HMGA2: variants seen among roughly 807,000 people sequenced by gnomAD.
The protein encoded by HMGA2 is high mobility group protein HMGI-C.
In HMGA2, 8 loss-of-function variants were observed where a neutral mutation model predicts 19.1. That is an observed-to-expected ratio of 0.42 (90% CI 0.25 to 0.76). The LOEUF (loss-of-function observed/expected upper bound fraction) is 0.76. HMGA2 is among the 30% of genes least tolerant of loss of function. HMGA2 has a pLI of 0.28. For missense variants in HMGA2, 109 were observed against 136.3 expected (o/e 0.80, Z 1.00); for synonymous variants, 60 against 48.8 (o/e 1.23, Z -0.96).
intron 4 of HMGA2, chr12:65,952,013 GA>G (rs1205896516): frequency 5.4e-6 from 1 of 184,074 alleles, no homozygotes; most frequent in African/African-American, 2.4e-5. Flanking sequence ...CATATTCCTG[GA>G]GCACCTTGTC....
intron 3 of HMGA2, chr12:65,881,778 G>C (rs1565719877): frequency 2.8e-6 from 2 of 702,978 alleles, no homozygotes. Flanking sequence ...GGTGAAGGAA[G>C]CCTGCTGATC....
chr12:65,837,163 A>G (rs537681692), intron 2 of HMGA2, among the ~76,000 whole-genome samples: 110 of 152,332 alleles, frequency 7.2e-4, no homozygotes, highest in Non-Finnish European at 1.5e-3. Context: ...AGTGCCTGGG[A>G]TATTTTAAAT....
intron 3 of HMGA2, among the ~76,000 whole-genome samples, chr12:65,921,065 C>G (rs1160142505): frequency 6.6e-6 from 1 of 152,160 alleles, no homozygotes; most frequent in Non-Finnish European, 1.5e-5. Context: ...AGATGAGGAC[C>G]TTGTTGGGAA....
chr12:65,934,422 A>C (rs2121276206), intron 3 of HMGA2, among the ~76,000 whole-genome samples: 1 of 152,322 alleles, frequency 6.6e-6, no homozygotes, highest in Non-Finnish European at 1.5e-5. Flanking sequence ...ACTGGAATTC[A>C]TGCTGTAGAA....
chr12:65,914,050 A>G (rs2884562), intron 3 of HMGA2, among the ~76,000 whole-genome samples: 54,212 of 151,908 alleles, frequency 0.36, 11,667 homozygotes, highest in African/African-American at 0.6. Flanking sequence ...TGGTGGGACT[A>G]TAAACTAGTT....
chr12:65,859,333 C>A (rs1161773592), intron 3 of HMGA2: 1 of 152,232 alleles, frequency 6.6e-6, no homozygotes, highest in Non-Finnish European at 1.5e-5. Flanking sequence ...CTTTGTCTCT[C>A]CCCTGCTCTT....
chr12:65,957,091 A>T (rs537419421), intron 4 of HMGA2: 25 of 152,254 alleles, frequency 1.6e-4, no homozygotes, highest in Non-Finnish European at 3.1e-4. Context: ...CTCAAAAGTC[A>T]TAACTCAGGA....
chr12:65,957,265 G>A (rs546122583), intron 4 of HMGA2: 1 of 152,270 alleles, frequency 6.6e-6, no homozygotes, highest in African/African-American at 2.4e-5. Context: ...TAACCCTTAA[G>A]CAGTCTTTAA....
intron 3 of HMGA2, among the ~76,000 whole-genome samples, chr12:65,876,339 T>A (rs1464810301): frequency 6.6e-6 from 1 of 152,178 alleles, no homozygotes; most frequent in Non-Finnish European, 1.5e-5. Context: ...GCATTAGGAA[T>A]TTACACCATA....
chr12:65,893,314 A>C (rs558242659), intron 3 of HMGA2, among the ~76,000 whole-genome samples: 3 of 152,324 alleles, frequency 2.0e-5, no homozygotes, highest in South Asian at 2.1e-4. Context: ...GTTTCATGAC[A>C]AGATATGCCA....
chr12:65,844,666 G>C (rs769265928), intron 3 of HMGA2, among the ~76,000 whole-genome samples: 1 of 152,174 alleles, frequency 6.6e-6, no homozygotes, highest in African/African-American at 2.4e-5. Context: ...AAAAGAGATT[G>C]ATAATCTGCC....
At chr12:65,936,189 T>C (rs1875887882) in intron 3 of HMGA2, among the ~76,000 whole-genome samples, 1 of 150,340 alleles carries the variant, frequency 6.7e-6, no homozygotes, top group Non-Finnish European at 1.5e-5. Flanking sequence ...CTTTGCTCTC[T>C]CTGTAAATCT....
chr12:65,956,305 G>T (rs892310054), intron 4 of HMGA2: 2 of 152,162 alleles, frequency 1.3e-5, no homozygotes, highest in African/African-American at 2.4e-5. Flanking sequence ...TCATATCAAA[G>T]GTTGCCCTAA....
chr12:65,884,077 G>A (rs978615927), intron 3 of HMGA2, among the ~76,000 whole-genome samples: 1 of 152,138 alleles, frequency 6.6e-6, no homozygotes, highest in Non-Finnish European at 1.5e-5. Flanking sequence ...TGTTGGCCAG[G>A]TTGGTCTTGA....
chr12:65,864,705 A>T (rs766575667), intron 3 of HMGA2, among the ~76,000 whole-genome samples: 3 of 152,186 alleles, frequency 2.0e-5, no homozygotes, highest in Non-Finnish European at 4.4e-5. Flanking sequence ...TTTCCATTTA[A>T]CACACATAGT....
At chr12:65,909,719 T>G (rs751766546) in intron 3 of HMGA2, among the ~76,000 whole-genome samples, 10 of 152,220 alleles carry the variant, frequency 6.6e-5, no homozygotes, top group Admixed American at 2.0e-4. Context: ...TAGATGTGAA[T>G]GTAGGAGTAG....
intron 3 of HMGA2, among the ~76,000 whole-genome samples, chr12:65,923,347 A>T (rs982436222): frequency 3.9e-5 from 6 of 152,222 alleles, no homozygotes; most frequent in African/African-American, 1.4e-4. Context: ...ATATAAAATG[A>T]TGTTCTGAAG....
chr12:65,881,081 C>T (rs1873354711), intron 3 of HMGA2, among the ~76,000 whole-genome samples: 2 of 152,322 alleles, frequency 1.3e-5, no homozygotes, highest in Admixed American at 6.5e-5. Flanking sequence ...ACATTTTAGA[C>T]ATATTATGGT....
At chr12:65,951,945 A>G in intron 4 of HMGA2, 1 of 169,450 alleles carries the variant, frequency 5.9e-6, no homozygotes, top group Middle Eastern at 2.8e-3. Flanking sequence ...TAACTGAATC[A>G]CAGTCTCTGA....
Sources: allele counts gnomAD v4.1 joint callset (sites outside exome capture counted in the v4.1 genomes callset), GRCh38; gene constraint gnomAD v4.1.1; transcripts MANE v1.5; gene names NCBI Gene and HGNC (gene_info 2026-07-23, HGNC 2026-07-21).